The following RIOX2 variants were observed in gnomAD, a reference collection of about 807,000 sequenced individuals.
RIOX2 encodes the protein 60S ribosomal protein L27a histidine hydroxylase.
RIOX2 carries 43 observed loss-of-function variants against 51.2 expected under a neutral mutation model. The ratio of observed to expected loss-of-function variants is 0.84; its 90% CI spans 0.66 to 1.08. RIOX2 has a LOEUF of 1.08. RIOX2 is among the 50% of genes least tolerant of loss of function. The pLI is 0.00. For synonymous variants in RIOX2, 226 were observed against 218.5 expected, an observed-to-expected ratio of 1.03 and a Z score of -0.30; for missense variants, 566 against 561.7, an observed-to-expected ratio of 1.01 and a Z score of -0.08.
chr3:97,960,588 C>T (rs972731589), intron 3 of RIOX2, among the ~76,000 whole-genome samples: 4 of 151,974 alleles, frequency 2.6e-5, no homozygotes, highest in Admixed American at 1.3e-4. Context: ...GTCAAGTTTC[C>T]GATAAAAAAT....
intron 1 of RIOX2, 150 bp downstream of exon 1, chr3:97,972,231 G>T (rs1171313884): frequency 7.2e-6 from 1 of 138,786 alleles, no homozygotes; most frequent in Non-Finnish European, 1.6e-5. Flanking sequence ...CGCAACCACA[G>T]CGCCGGCCAC....
chr3:97,964,522 TCTA>T (rs1297432382), intron 2 of RIOX2, among the ~76,000 whole-genome samples: 6 of 150,392 alleles, frequency 4.0e-5, no homozygotes, highest in Admixed American at 4.0e-4. Flanking sequence ...AACCCCCATC[TCTA>T]CTAAAAAAAA....
At chr3:97,968,467 C>T (rs924426225) in intron 1 of RIOX2, among the ~76,000 whole-genome samples, 1 of 152,208 alleles carries the variant, frequency 6.6e-6, no homozygotes, top group Non-Finnish European at 1.5e-5. Flanking sequence ...CTTAGCATCT[C>T]AATAAAATGC....
At chr3:97,958,176 C>T (rs1386412555) in intron 4 of RIOX2, among the ~76,000 whole-genome samples, 1 of 152,130 alleles carries the variant, frequency 6.6e-6, no homozygotes, top group Non-Finnish European at 1.5e-5. Context: ...AAGAAACACA[C>T]AAGGCATTGA....
intron 4 of RIOX2, among the ~76,000 whole-genome samples, chr3:97,955,910 G>T (rs1245242066): frequency 6.6e-6 from 1 of 152,168 alleles, no homozygotes; most frequent in Non-Finnish European, 1.5e-5. Context: ...AATGGTGTTT[G>T]TGTACTTAAA....
Position 97,967,599 on chromosome 3 carries a change from T to C in RIOX2, c.-6A>G. On this transcript the variant is annotated 5_prime_UTR_variant, in exon 2 of 10. Transcript: ENST00000394198. ...GGCTTTGCTTTCTTTGGCATCGTTC[T>C]GTCTTCAAGACAAAGCAGTAAGGAA... 1 of 1,568,302 alleles carries C rather than the reference T, an allele frequency of 6.4e-7. No homozygotes were observed. Among genetic ancestry groups the C allele is most frequent in the Non-Finnish European group, 8.6e-7 (1 of 1,163,416 alleles).
At chr3:97,945,374 T>C (rs1358281680) in intron 9 of RIOX2, 32 bp from the exon 10 acceptor site, 8 of 1,575,468 alleles carry the variant, frequency 5.1e-6, no homozygotes, top group Non-Finnish European at 6.9e-6. Context: ...TCAAAATATA[T>C]GTATACTACT....
intron 1 of RIOX2, among the ~76,000 whole-genome samples, chr3:97,968,066 A>T (rs1300764176): frequency 6.6e-6 from 1 of 152,224 alleles, no homozygotes; most frequent in East Asian, 1.9e-4. Flanking sequence ...TGAGTTACAA[A>T]CATTTGACTA....
intron 4 of RIOX2, among the ~76,000 whole-genome samples, chr3:97,958,382 C>T (rs1705535337): frequency 6.6e-6 from 1 of 152,082 alleles, no homozygotes; most frequent in African/African-American, 2.4e-5. Flanking sequence ...CGTTCTTTTC[C>T]TCAACAACCT....
intron 4 of RIOX2, among the ~76,000 whole-genome samples, chr3:97,955,726 T>C (rs1705426861): frequency 6.6e-6 from 1 of 152,158 alleles, no homozygotes; most frequent in Non-Finnish European, 1.5e-5. Flanking sequence ...ACATGCCACT[T>C]AACAATGGGG....
In RIOX2 at chr3:97,945,243, C is replaced by T; in HGVS notation, c.1339G>A (p.Glu447Lys). ...SVKDLKLTTD[E>K]EKESLVLSLW... Reference sequence around the variant, plus strand: ...GATAATACCAGGCTTTCCTTTTCCTCATCTGTAGTAAGTTTCAGGTCCTTG... The same window carrying T: ...GATAATACCAGGCTTTCCTTTTCCTTATCTGTAGTAAGTTTCAGGTCCTTG... Residue 447 changes from glutamate to lysine, a missense_variant, in exon 10 of 10, where the codon GAG becomes AAG. By Grantham distance (56) the Glu-to-Lys change is moderately conservative. Coordinates refer to ENST00000394198, the MANE Select transcript of RIOX2 (RefSeq NM_153182.4). 1 of 1,612,740 alleles carries T rather than the reference C, an allele frequency of 6.2e-7. No homozygotes were observed. Among genetic ancestry groups the T allele is most frequent in the Middle Eastern group, 1.7e-4 (1 of 6,048 alleles).
In RIOX2 at chr3:97,944,187, C is replaced by T. The variant is rs933489436; in HGVS notation, c.*997G>A. 6.6e-6 allele frequency: 1 copy of T among 151,484 alleles called. No individual in the cohort carries two copies. The highest frequency in any genetic ancestry group is 2.4e-5 in the African/African-American group (1 of 41,268). The allele number at this position is 151,484 out of a possible 1,614,324, so 9.4% of individuals were successfully genotyped here. ...AGTAGCATTTGAACCTTGACCTTAC[C>T]ATCTCTTTAAGTAAACGTGGAGTTG... On this transcript the variant is annotated 3_prime_UTR_variant, in exon 10 of 10. Coordinates refer to ENST00000394198, the MANE Select transcript of RIOX2 (RefSeq NM_153182.4).
At chr3:97,964,597 C>T (rs1400613853) in intron 2 of RIOX2, among the ~76,000 whole-genome samples, 2 of 148,018 alleles carry the variant, frequency 1.4e-5, no homozygotes, top group Non-Finnish European at 3.0e-5. Context: ...TCAGGAGGTC[C>T]AAGGCAGGAG....
At chr3:97,967,130 T>A (rs781391021) in intron 2 of RIOX2, 32 bp downstream of exon 2, 2 of 1,592,834 alleles carry the variant, frequency 1.3e-6, no homozygotes, top group Admixed American at 3.4e-5. Flanking sequence ...CTTTAAAATG[T>A]ATGAGGATTC....
In RIOX2 at chr3:97,943,320, T is replaced by G. The variant is rs1443779196; in HGVS notation, c.*1864A>C. ...GGGACATTGAAATATTGTGAGAGAATCAACATCCCTAGAAAGATCCCTAGA... is the reference window on the plus strand; with the variant it reads ...GGGACATTGAAATATTGTGAGAGAAGCAACATCCCTAGAAAGATCCCTAGA... On this transcript the variant is annotated 3_prime_UTR_variant, in exon 10 of 10. Coordinates refer to ENST00000394198, the MANE Select transcript of RIOX2 (RefSeq NM_153182.4). 1 of 1,479,958 alleles carries G rather than the reference T, an allele frequency of 6.8e-7. No homozygotes were observed. Among genetic ancestry groups the G allele is most frequent in the African/African-American group, 1.4e-5 (1 of 71,740 alleles). The allele number at this position is 1,479,958 out of a possible 1,614,324, so 91.7% of individuals were successfully genotyped here.
At position 97,967,597 on chromosome 3, in the gene RIOX2, T is replaced by C; in HGVS notation, c.-4A>G. The C allele has an allele frequency of 6.4e-7, 1 of 1,571,552 alleles. No homozygotes were observed. The highest frequency in any genetic ancestry group is 8.6e-7 in the Non-Finnish European group (1 of 1,164,530). On this transcript the variant is annotated 5_prime_UTR_variant, in exon 2 of 10. Coordinates refer to ENST00000394198, the MANE Select transcript of RIOX2 (RefSeq NM_153182.4). ...TAGGCTTTGCTTTCTTTGGCATCGT[T>C]CTGTCTTCAAGACAAAGCAGTAAGG...
intron 5 of RIOX2, chr3:97,952,190 C>T (rs1015463332): frequency 1.6e-6 from 2 of 1,289,670 alleles, no homozygotes; most frequent in African/African-American, 1.5e-5. Context: ...GCTCAAAACA[C>T]AGGATCATTT....
chr3:97,951,076 G>T, intron 5 of RIOX2, 188 bp from the exon 6 acceptor site: 1 of 540,060 alleles, frequency 1.9e-6, no homozygotes, highest in East Asian at 3.0e-5. Flanking sequence ...CAACCACCCT[G>T]TTTCCTCCCT....
intron 1 of RIOX2, among the ~76,000 whole-genome samples, chr3:97,970,805 A>T (rs922642536): frequency 6.6e-6 from 1 of 152,236 alleles, no homozygotes; most frequent in African/African-American, 2.4e-5. Flanking sequence ...TAAGAAAATC[A>T]ATGTTGACAA....
Sources: gnomAD v4.1 joint callset for allele counts (sites outside exome capture counted in the v4.1 genomes callset) on GRCh38, gnomAD v4.1.1 for gene constraint, MANE v1.5 for transcripts, NCBI Gene and HGNC (gene_info 2026-07-23, HGNC 2026-07-21) for gene names.